WWC1: variants seen among roughly 807,000 people sequenced by gnomAD.
WWC1 encodes WW and C2 domain containing 1.
In WWC1, 55 loss-of-function variants were observed where a neutral mutation model predicts 138.4. The ratio of observed to expected loss-of-function variants is 0.40; its 90% CI spans 0.32 to 0.50. WWC1 has a LOEUF of 0.50. Among genes scored for constraint, WWC1 ranks in the 20% least tolerant of loss-of-function variants. The pLI, the probability that WWC1 is intolerant of heterozygous loss-of-function variation, is 0.72. For missense variants in WWC1, 1,226 were observed against 1,420.4 expected, an observed-to-expected ratio of 0.86 and a Z score of 2.20; for synonymous variants, 524 against 564.9, an observed-to-expected ratio of 0.93 and a Z score of 1.03.
At position 168,423,536 on chromosome 5, in the gene WWC1, C is replaced by G; in HGVS notation, c.1278C>G (p.Leu426=). Residue 426 remains leucine (L), a synonymous_variant, in exon 11 of 23, where the codon CTC becomes CTG. Coordinates refer to ENST00000265293, the MANE Select transcript of WWC1 (RefSeq NM_015238.3). ...CCTTCCCCTCCCTGTGTCCCAGTCTCTCAAGCAGCATGCAGTCCCTGTCCT... is the reference window on the plus strand; with the variant it reads ...CCTTCCCCTCCCTGTGTCCCAGTCTGTCAAGCAGCATGCAGTCCCTGTCCT... ...VATLHSQLKS[L]SSSMQSLSSG... is the part of the protein sequence containing the mutation. The G allele has an allele frequency of 6.2e-7, 1 of 1,609,644 alleles. No individual in the cohort carries two copies. Among genetic ancestry groups the G allele is most frequent in the Non-Finnish European group, 8.5e-7 (1 of 1,177,924 alleles).
At chr5:168,395,579 A>G (rs1778836888) in intron 3 of WWC1, among the ~76,000 whole-genome samples, 1 of 152,184 alleles carries the variant, frequency 6.6e-6, no homozygotes, top group African/African-American at 2.4e-5. Flanking sequence ...TAAATATCCA[A>G]CCAGGTCTAT....
intron 1 of WWC1, among the ~76,000 whole-genome samples, chr5:168,353,678 C>T (rs1392052438): frequency 6.6e-6 from 1 of 152,244 alleles, no homozygotes; most frequent in African/African-American, 2.4e-5. Flanking sequence ...CAATCAAGCG[C>T]TTCTTGAAGC....
At chr5:168,418,813 C>T (rs1249958249) in intron 9 of WWC1, among the ~76,000 whole-genome samples, 2 of 152,080 alleles carry the variant, frequency 1.3e-5, no homozygotes, top group African/African-American at 4.8e-5. Flanking sequence ...TCCTTTTATA[C>T]TGGGTCAAGA....
At chr5:168,356,110 A>G (rs4976547) in intron 1 of WWC1, among the ~76,000 whole-genome samples, 114,259 of 152,152 alleles carry the variant, frequency 0.75, 42,978 homozygotes, top group East Asian at 0.85. Context: ...TGGAGAGTGA[A>G]CAGCAAGGGA....
intron 1 of WWC1, among the ~76,000 whole-genome samples, chr5:168,298,433 T>C (rs1769759312): frequency 6.6e-6 from 1 of 152,180 alleles, no homozygotes; most frequent in Non-Finnish European, 1.5e-5. Context: ...AATGATCCAC[T>C]AATACCTGTA....
intron 10 of WWC1, among the ~76,000 whole-genome samples, chr5:168,423,162 A>AAAAAAAAAAAAAC (rs1561743499): frequency 2.9e-4 from 32 of 108,812 alleles, no homozygotes; most frequent in Middle Eastern, 5.3e-3. Context: ...AAAAAAAAAA[A>AAAAAAAAAAAAAC]AAAAAAAAAA....
chr5:168,298,226 A>ATGAATTT (rs1769738391), intron 1 of WWC1, among the ~76,000 whole-genome samples: 1 of 151,922 alleles, frequency 6.6e-6, no homozygotes, highest in Non-Finnish European at 1.5e-5. Context: ...TTTAGTAGAG[A>ATGAATTT]CAGGGATTCA....
intron 1 of WWC1, among the ~76,000 whole-genome samples, chr5:168,322,802 G>A (rs1772223243): frequency 1.3e-5 from 2 of 152,106 alleles, no homozygotes; most frequent in South Asian, 2.1e-4. Context: ...ACCATTTTTT[G>A]CATGTGGTTT....
chr5:168,348,801 C>T (rs1203630360), intron 1 of WWC1, among the ~76,000 whole-genome samples: 1 of 152,066 alleles, frequency 6.6e-6, no homozygotes, highest in Non-Finnish European at 1.5e-5. Context: ...GGTATCCAGC[C>T]CCCACACTGC....
Position 168,414,270 on chromosome 5 carries a change from T to C in WWC1, c.942-78T>C, listed in dbSNP as rs957038033. 1.1e-4 allele frequency: 174 copies of C among 1,546,206 alleles called. 2 individuals are homozygous for C. In the East Asian group the frequency reaches 3.8e-3, roughly 34 times the overall value. ...GTAACTGTCAAAGATTGCTCTGAGA[T>C]GTCTGTTTCTTCATGGCATCTCCTG... On this transcript the variant is annotated intron_variant, in intron 8 of 22. Coordinates refer to ENST00000265293, the MANE Select transcript of WWC1 (RefSeq NM_015238.3).
At chr5:168,468,467 A>T (rs949028542) in intron 22 of WWC1, among the ~76,000 whole-genome samples, 3 of 151,978 alleles carry the variant, frequency 2.0e-5, no homozygotes, top group Admixed American at 6.6e-5. Flanking sequence ...TGTCCTCTCA[A>T]ACAAGGTACA....
Position 168,385,353 on chromosome 5 carries a change from A to C in WWC1, c.372A>C (p.Ala124=). The C allele has an allele frequency of 6.2e-7, 1 of 1,614,134 alleles. No homozygotes were observed. Among genetic ancestry groups the C allele is most frequent in the Non-Finnish European group, 8.5e-7 (1 of 1,180,020 alleles). The change falls in exon 3 of 23, where the codon GCA becomes GCC. Residue 124 remains alanine, a synonymous_variant. Transcript: ENST00000265293. The part of the protein sequence containing the change: ...YQVKQQRLEL[A]QQEYQQLHAV... ...TGAAGCAGCAGCGCCTGGAGCTTGCACAGCAGGAGTACCAGCAACTGCATG... is the reference window on the plus strand; with the variant it reads ...TGAAGCAGCAGCGCCTGGAGCTTGCCCAGCAGGAGTACCAGCAACTGCATG...
In WWC1 at chr5:168,403,060, T is replaced by TTCTTTCTTTCTC. The variant is rs1561712361; in HGVS notation, c.591-3127_591-3126insCTCTTTCTTTCT. Among the ~76,000 whole-genome samples, 27 of 124,038 alleles carry TTCTTTCTTTCTC rather than the reference T, an allele frequency of 2.2e-4. 1 individual carries two copies. In the East Asian group the frequency reaches 4.0e-3, roughly 19 times the overall value. The allele number at this position is 124,038 out of a possible 152,430, so 81.4% of individuals were successfully genotyped here. A position where few individuals can be genotyped will look rare whatever the true frequency, so the allele number is the denominator to read the frequency against. ...TTTCTTTCTTTCTTTCTTTCTTTCT[T>TTCTTTCTTTCTC]TCTTTCTTTCTTTCTTTCTTTTCTT... On this transcript the variant is annotated intron_variant, in intron 5 of 22. Transcript: ENST00000265293.
intron 1 of WWC1, among the ~76,000 whole-genome samples, chr5:168,318,304 T>C (rs1771776443): frequency 6.6e-6 from 1 of 152,174 alleles, no homozygotes; most frequent in East Asian, 1.9e-4. Context: ...AGTTTACTTT[T>C]TAAAAATTTA....
chr5:168,340,701 A>G (rs1247700398), intron 1 of WWC1, among the ~76,000 whole-genome samples: 2 of 152,170 alleles, frequency 1.3e-5, no homozygotes, highest in Non-Finnish European at 2.9e-5. Flanking sequence ...ATTCCATTGT[A>G]TGGATATGCC....
chr5:168,406,948 T>A (rs766660758), intron 6 of WWC1, among the ~76,000 whole-genome samples: 4 of 151,210 alleles, frequency 2.6e-5, no homozygotes, highest in East Asian at 1.9e-4. Flanking sequence ...TCTCAAAAAA[T>A]AAATAAATAA....
At chr5:168,363,559 C>T (rs1262416392) in intron 1 of WWC1, among the ~76,000 whole-genome samples, 1 of 142,722 alleles carries the variant, frequency 7.0e-6, no homozygotes, top group Non-Finnish European at 1.5e-5. Context: ...ATGGTTTAAG[C>T]AGTCCCAGCT....
chr5:168,404,394 G>A (rs1040796326), intron 5 of WWC1, among the ~76,000 whole-genome samples: 2 of 152,236 alleles, frequency 1.3e-5, no homozygotes, highest in African/African-American at 4.8e-5. Flanking sequence ...GGCCTGCCGA[G>A]GCCCGAGTCC....
intron 1 of WWC1, among the ~76,000 whole-genome samples, chr5:168,348,618 G>A (rs947009288): frequency 5.9e-5 from 9 of 152,172 alleles, no homozygotes; most frequent in Non-Finnish European, 8.8e-5. Context: ...TCACAAACAA[G>A]GACTTCTCCA....
Sources: allele counts gnomAD v4.1 joint callset (sites outside exome capture counted in the v4.1 genomes callset), GRCh38; gene constraint gnomAD v4.1.1; transcripts MANE v1.5; gene names NCBI Gene and HGNC (gene_info 2026-07-23, HGNC 2026-07-21).